CPXM2: variants seen among roughly 807,000 people sequenced by gnomAD.
CPXM2 encodes inactive carboxypeptidase-like protein X2.
In CPXM2, 66 loss-of-function variants were observed where a neutral mutation model predicts 86.1. That is an observed-to-expected ratio of 0.77 (90% CI 0.63 to 0.94). CPXM2 has a LOEUF of 0.94. Among genes scored for constraint, CPXM2 ranks in the 40% least tolerant of loss-of-function variants. The pLI, the probability that CPXM2 is intolerant of heterozygous loss-of-function variation, is 0.00. For missense variants in CPXM2, 948 were observed against 1,026.3 expected, an observed-to-expected ratio of 0.92 and a Z score of 1.04; for synonymous variants, 388 against 400.2, an observed-to-expected ratio of 0.97 and a Z score of 0.36.
At chr10:123,894,575 T>C (rs1227997613), upstream of CPXM2, among the ~76,000 whole-genome samples, 4 of 152,200 alleles carry the variant, frequency 2.6e-5, no homozygotes, top group Non-Finnish European at 1.5e-5. Flanking sequence ...TCAGAGCTCA[T>C]GAAGTTTAGG....
chr10:123,869,877 T>C (rs939628556), intron 2 of CPXM2, among the ~76,000 whole-genome samples: 3 of 152,188 alleles, frequency 2.0e-5, no homozygotes, highest in African/African-American at 4.8e-5. Context: ...ATGGAGGCCT[T>C]TGTGGCCCAG....
At chr10:123,812,114 A>T (rs1847706975) in intron 4 of CPXM2, among the ~76,000 whole-genome samples, 1 of 152,246 alleles carries the variant, frequency 6.6e-6, no homozygotes, top group African/African-American at 2.4e-5. Flanking sequence ...AGACATATAC[A>T]AGAATGCTAA....
chr10:123,855,008 G>A (rs1209659553), intron 3 of CPXM2, among the ~76,000 whole-genome samples: 6 of 151,398 alleles, frequency 4.0e-5, no homozygotes, highest in Admixed American at 6.6e-5. Context: ...TCCTTCTACC[G>A]GCTTGTATGT....
chr10:123,932,272 G>T (rs1945672433), intron 2 of CPXM2, among the ~76,000 whole-genome samples: 1 of 152,164 alleles, frequency 6.6e-6, no homozygotes, highest in African/African-American at 2.4e-5. Context: ...CCTGTCTCTA[G>T]AATCCTCTCA....
intron 6 of CPXM2, among the ~76,000 whole-genome samples, chr10:123,796,517 T>G (rs1434810837): frequency 1.3e-5 from 2 of 152,120 alleles, no homozygotes; most frequent in Non-Finnish European, 2.9e-5. Flanking sequence ...ATATGACCAG[T>G]GTGAGGGTAA....
intron 7 of CPXM2, among the ~76,000 whole-genome samples, chr10:123,779,637 G>C (rs1055564167): frequency 7.2e-5 from 11 of 152,146 alleles, no homozygotes; most frequent in African/African-American, 2.2e-4. Flanking sequence ...ATTCCAATAT[G>C]CAACCAAGAT....
chr10:123,782,081 C>A (rs1052744419), intron 6 of CPXM2, among the ~76,000 whole-genome samples: 1 of 152,210 alleles, frequency 6.6e-6, no homozygotes, highest in Non-Finnish European at 1.5e-5. Flanking sequence ...GTGCAACTGG[C>A]ATTTTGTCCA....
rs768367175 is a variant in CPXM2 at position 123,799,144 on chromosome 10, C to A, written c.709G>T (p.Val237Phe). 4 of 1,614,150 alleles carry A rather than the reference C, an allele frequency of 2.5e-6. No homozygotes were observed. In the South Asian group the frequency reaches 3.3e-5, roughly 13 times the overall value. ...VMVSNDSHTW[V>F]TVKNGSGDMI... Reference sequence around the variant, plus strand: ...TCTCCAGATCCATTCTTAACAGTGACCCACGTGTGGCTGTCATTGCTCACC... The same window carrying A: ...TCTCCAGATCCATTCTTAACAGTGAACCACGTGTGGCTGTCATTGCTCACC... Residue 237 changes from valine (V) to phenylalanine (F), a missense_variant, in exon 5 of 14, where the codon GTC becomes TTC. By Grantham distance (50) the Val-to-Phe change is conservative. Coordinates refer to ENST00000241305, the MANE Select transcript of CPXM2 (RefSeq NM_198148.3).
intron 1 of CPXM2, among the ~76,000 whole-genome samples, chr10:123,880,631 C>T (rs1228697937): frequency 1.3e-5 from 2 of 151,916 alleles, no homozygotes; most frequent in Non-Finnish European, 2.9e-5. Context: ...AGATCAAGAC[C>T]ATCCTGGCTA....
chr10:123,829,449 C>T (rs1848119496), intron 4 of CPXM2, among the ~76,000 whole-genome samples: 1 of 151,670 alleles, frequency 6.6e-6, no homozygotes. Context: ...TAGGCATGAG[C>T]CACTGCACCC....
intron 3 of CPXM2, among the ~76,000 whole-genome samples, chr10:123,849,702 C>T (rs985822294): frequency 3.3e-5 from 5 of 152,102 alleles, no homozygotes; most frequent in East Asian, 1.9e-4. Flanking sequence ...TGTGAGCCAC[C>T]GTGCCCGGCC....
At chr10:123,882,070 G>A (rs567437813) in intron 1 of CPXM2, among the ~76,000 whole-genome samples, 5 of 152,282 alleles carry the variant, frequency 3.3e-5, no homozygotes, top group South Asian at 2.1e-4. Flanking sequence ...AATCATTTCC[G>A]ACTATGTTAC....
At chr10:123,828,161 A>G (rs1848086262) in intron 4 of CPXM2, among the ~76,000 whole-genome samples, 1 of 151,730 alleles carries the variant, frequency 6.6e-6, no homozygotes, top group African/African-American at 2.4e-5. Context: ...ACAGAGCAAG[A>G]CCTCACCTCA....
intron 13 of CPXM2, chr10:123,750,923 A>G: frequency 1.0e-6 from 1 of 985,400 alleles, no homozygotes; most frequent in Non-Finnish European, 1.2e-6. Flanking sequence ...TAACCACTGG[A>G]AAAGTCTGGA....
chr10:123,751,877 G>T (rs1416452417), intron 13 of CPXM2: 1 of 985,134 alleles, frequency 1.0e-6, no homozygotes, highest in Non-Finnish European at 1.2e-6. Flanking sequence ...GAAAATCAAG[G>T]GAGGGAGATG....
At chr10:123,927,034 T>C (rs1945628503) in intron 2 of CPXM2, among the ~76,000 whole-genome samples, 1 of 152,230 alleles carries the variant, frequency 6.6e-6, no homozygotes, top group Admixed American at 6.5e-5. Context: ...AGTGTTCATC[T>C]GTGGATGGGC....
At chr10:123,805,867 T>C (rs1010292850) in intron 4 of CPXM2, among the ~76,000 whole-genome samples, 7 of 152,228 alleles carry the variant, frequency 4.6e-5, no homozygotes, top group Non-Finnish European at 8.8e-5. Context: ...CCTTGATTAC[T>C]ACAATCTAAT....
intron 4 of CPXM2, among the ~76,000 whole-genome samples, chr10:123,811,147 TTTC>T (rs1449057664): frequency 2.4e-5 from 3 of 122,490 alleles, no homozygotes; most frequent in African/African-American, 8.8e-5. Context: ...TTTTTTCTTT[TTTC>T]TTTTTTTTTT....
intron 4 of CPXM2, among the ~76,000 whole-genome samples, chr10:123,800,133 G>A (rs79358528): frequency 0.021 from 3,015 of 146,258 alleles, 103 homozygotes; most frequent in African/African-American, 0.072. Flanking sequence ...TCCAAATAAA[G>A]TTTTGAGTTT....
Sources: allele counts gnomAD v4.1 joint callset (sites outside exome capture counted in the v4.1 genomes callset), GRCh38; gene constraint gnomAD v4.1.1; transcripts MANE v1.5; gene names NCBI Gene and HGNC (gene_info 2026-07-23, HGNC 2026-07-21).